CDK17: variants seen among roughly 807,000 people sequenced by gnomAD.
The protein encoded by CDK17 is cyclin-dependent kinase 17.
CDK17 carries 24 observed loss-of-function variants against 77.6 expected under a neutral mutation model. The ratio of observed to expected loss-of-function variants is 0.31; its 90% confidence interval spans 0.22 to 0.44. The LOEUF is 0.44. CDK17 is among the 20% of genes least tolerant of loss of function. The probability of loss-of-function intolerance (pLI) is 1.00; values close to 1 mark genes in which losing one functional copy is unlikely to be tolerated. For missense variants in CDK17, 429 were observed against 622.5 expected, an observed-to-expected ratio of 0.69 and a Z score of 3.31; for synonymous variants, 203 against 210.4, an observed-to-expected ratio of 0.96 and a Z score of 0.30.
At chr12:96,337,950 A>T (rs1321677262) in intron 1 of CDK17, among the ~76,000 whole-genome samples, 1 of 152,228 alleles carries the variant, frequency 6.6e-6, no homozygotes, top group Non-Finnish European at 1.5e-5. Context: ...ATCCTGCCTG[A>T]TAAGAGTGTC....
intron 3 of CDK17, among the ~76,000 whole-genome samples, chr12:96,320,593 C>A (rs1357876425): frequency 6.6e-6 from 1 of 151,132 alleles, no homozygotes; most frequent in East Asian, 1.9e-4. Context: ...CAGCATGGTA[C>A]TGGTACCAAA....
At chr12:96,389,017 TCAC>T (rs1366306004) in intron 1 of CDK17, among the ~76,000 whole-genome samples, 1 of 140,886 alleles carries the variant, frequency 7.1e-6, no homozygotes, top group Non-Finnish European at 1.6e-5. Context: ...CCACCAGGCC[TCAC>T]TTTTTTTTAT....
intron 2 of CDK17, among the ~76,000 whole-genome samples, chr12:96,330,169 C>T (rs887922207): frequency 2.0e-5 from 3 of 151,998 alleles, no homozygotes; most frequent in Non-Finnish European, 2.9e-5. Flanking sequence ...CTCAATATAT[C>T]GTCCCATTAC....
At chr12:96,311,028 A>C in intron 5 of CDK17, 24 bp downstream of exon 5, 1 of 1,581,888 alleles carries the variant, frequency 6.3e-7, no homozygotes, top group South Asian at 1.2e-5. Context: ...TTGATGGTGG[A>C]GGTATAGGAG....
At chr12:96,303,005 C>G (rs929777398) in intron 5 of CDK17, 1 of 152,122 alleles carries the variant, frequency 6.6e-6, no homozygotes, top group African/African-American at 2.4e-5. Context: ...TAATTTCCAA[C>G]TTAGGATTTA....
At chr12:96,322,239 T>G (rs951893593) in intron 3 of CDK17, among the ~76,000 whole-genome samples, 1 of 152,302 alleles carries the variant, frequency 6.6e-6, no homozygotes. Context: ...GATCAGGTAA[T>G]GTAACAGCGG....
chr12:96,337,524 T>A (rs1390838690), intron 1 of CDK17, among the ~76,000 whole-genome samples: 1 of 152,130 alleles, frequency 6.6e-6, no homozygotes, highest in East Asian at 1.9e-4. Flanking sequence ...GAAATGGAGG[T>A]TTTGATGTGG....
At chr12:96,346,342 C>T (rs1417882946) in intron 1 of CDK17, among the ~76,000 whole-genome samples, 1 of 148,936 alleles carries the variant, frequency 6.7e-6, no homozygotes. Flanking sequence ...GTCCCAGCTA[C>T]TCGGGAGGCC....
chr12:96,318,042 T>C (rs1204713709), intron 3 of CDK17, among the ~76,000 whole-genome samples: 1 of 152,060 alleles, frequency 6.6e-6, no homozygotes, highest in East Asian at 1.9e-4. Context: ...GTGTGCTGTA[T>C]TCAGGAAACC....
At chr12:96,364,603 T>G (rs1236594762) in intron 1 of CDK17, among the ~76,000 whole-genome samples, 1 of 152,200 alleles carries the variant, frequency 6.6e-6, no homozygotes, top group Non-Finnish European at 1.5e-5. Flanking sequence ...GCTCTGTTCT[T>G]TTCCCATCGT....
At chr12:96,357,800 A>G (rs950767880) in intron 1 of CDK17, among the ~76,000 whole-genome samples, 6 of 152,224 alleles carry the variant, frequency 3.9e-5, no homozygotes. Flanking sequence ...TGAGAAAGGT[A>G]TCCTGAGATT....
chr12:96,390,687 C>A, intron 1 of CDK17, among the ~76,000 whole-genome samples: 1 of 119,782 alleles, frequency 8.3e-6, no homozygotes, highest in Admixed American at 1.2e-4. Context: ...CCAGCCTGGA[C>A]GATGGGGTGA....
intron 13 of CDK17, 198 bp downstream of exon 13, chr12:96,285,845 T>C (rs1952239025): frequency 3.1e-6 from 1 of 322,418 alleles, no homozygotes; most frequent in Non-Finnish European, 5.7e-6. Context: ...CATTAATCAA[T>C]GTCTTCTTTC....
chr12:96,348,523 CAAAAAAAAAAA>C (rs35363324), intron 1 of CDK17, among the ~76,000 whole-genome samples: 1 of 66,374 alleles, frequency 1.5e-5, no homozygotes, highest in Non-Finnish European at 2.6e-5. Context: ...GACTCTGTCT[CAAAAAAAAAAA>C]AAAAAAAACA....
At chr12:96,396,344 T>G (rs1331873129) in intron 1 of CDK17, among the ~76,000 whole-genome samples, 1 of 152,194 alleles carries the variant, frequency 6.6e-6, no homozygotes, top group Non-Finnish European at 1.5e-5. Context: ...AAGAATCCAC[T>G]GATGACAATA....
At chr12:96,313,127 A>G (rs746873656) in intron 4 of CDK17, among the ~76,000 whole-genome samples, 194 bp downstream of exon 4, 7 of 152,232 alleles carry the variant, frequency 4.6e-5, no homozygotes, top group Non-Finnish European at 8.8e-5. Flanking sequence ...ACATATCTAC[A>G]TTGGGATAAA....
chr12:96,378,984 AT>A (rs1953832595), intron 1 of CDK17, among the ~76,000 whole-genome samples: 1 of 152,238 alleles, frequency 6.6e-6, no homozygotes, highest in Non-Finnish European at 1.5e-5. Flanking sequence ...TCCCAAAAAA[AT>A]AAGTTTAATT....
At chr12:96,289,435 C>G (rs539227841) in intron 10 of CDK17, 148 bp from the exon 11 acceptor site, 1 of 788,956 alleles carries the variant, frequency 1.3e-6, no homozygotes, top group Admixed American at 2.5e-5. Context: ...TTTATGAATT[C>G]GTTGAGTGCA....
chr12:96,363,484 T>G (rs931383602), intron 1 of CDK17, among the ~76,000 whole-genome samples: 3 of 149,956 alleles, frequency 2.0e-5, no homozygotes, highest in Non-Finnish European at 3.0e-5. Flanking sequence ...GAGCCCCCTG[T>G]GCAGGGGTTC....
Sources: gnomAD v4.1 joint callset for allele counts (sites outside exome capture counted in the v4.1 genomes callset) on GRCh38, gnomAD v4.1.1 for gene constraint, MANE v1.5 for transcripts, NCBI Gene and HGNC (gene_info 2026-07-23, HGNC 2026-07-21) for gene names.